SPOCK3: variants seen among roughly 807,000 people sequenced by gnomAD.
SPOCK3 encodes SPARC (osteonectin), cwcv and kazal like domains proteoglycan 3.
SPOCK3 carries 30 observed loss-of-function variants against 56.6 expected under a neutral mutation model. That is an observed-to-expected ratio of 0.53 (90% CI 0.40 to 0.72). SPOCK3 has a LOEUF of 0.72. Ranked by LOEUF, SPOCK3 falls within the 30% of genes least tolerant of loss-of-function variation. The pLI is 0.00. For synonymous variants in SPOCK3, 196 were observed against 183.3 expected (o/e 1.07, Z -0.56); for missense variants, 527 against 530.0 (o/e 0.99, Z 0.06).
intron 2 of SPOCK3, among the ~76,000 whole-genome samples, chr4:167,219,836 C>G (rs1256259494): frequency 6.6e-6 from 1 of 151,952 alleles, no homozygotes; most frequent in African/African-American, 2.4e-5. Context: ...ATTAATTTTG[C>G]TTTTTTGCTA....
At chr4:167,187,960 G>C (rs1732153768) in intron 2 of SPOCK3, among the ~76,000 whole-genome samples, 1 of 152,186 alleles carries the variant, frequency 6.6e-6, no homozygotes, top group Non-Finnish European at 1.5e-5. Context: ...ACCCTGAACT[G>C]AGTGGGAGAC....
chr4:166,915,852 C>A (rs1473404799), intron 4 of SPOCK3, among the ~76,000 whole-genome samples: 1 of 152,104 alleles, frequency 6.6e-6, no homozygotes, highest in Non-Finnish European at 1.5e-5. Flanking sequence ...AGGTCATTTG[C>A]AGTTAGTTAT....
intron 4 of SPOCK3, among the ~76,000 whole-genome samples, chr4:166,979,056 T>G (rs945094776): frequency 1.3e-5 from 2 of 152,206 alleles, no homozygotes; most frequent in Non-Finnish European, 2.9e-5. Flanking sequence ...ACTTCCTATG[T>G]TCTAAGAACT....
chr4:167,032,988 T>C (rs1752416580), intron 3 of SPOCK3, among the ~76,000 whole-genome samples: 1 of 152,016 alleles, frequency 6.6e-6, no homozygotes, highest in Non-Finnish European at 1.5e-5. Context: ...TTACGACTAA[T>C]GGCTTTGTTT....
chr4:167,172,724 G>A (rs1730615487), intron 2 of SPOCK3, among the ~76,000 whole-genome samples: 1 of 151,938 alleles, frequency 6.6e-6, no homozygotes, highest in African/African-American at 2.4e-5. Context: ...ACATATATGT[G>A]TGCATATGTA....
At chr4:166,807,308 TAAA>T (rs372411472) in intron 6 of SPOCK3, among the ~76,000 whole-genome samples, 1 of 129,812 alleles carries the variant, frequency 7.7e-6, no homozygotes. Context: ...GCATAAAGCC[TAAA>T]AAAAAAAAAA....
At chr4:167,029,150 A>G (rs1330833992) in intron 3 of SPOCK3, among the ~76,000 whole-genome samples, 1 of 152,048 alleles carries the variant, frequency 6.6e-6, no homozygotes, top group Non-Finnish European at 1.5e-5. Flanking sequence ...GCTCCCACTT[A>G]TAAGTGAGAA....
chr4:166,755,594 C>T (rs1314013006), intron 7 of SPOCK3, among the ~76,000 whole-genome samples: 4 of 152,076 alleles, frequency 2.6e-5, no homozygotes, highest in Non-Finnish European at 5.9e-5. Context: ...TTAATTTTCT[C>T]TTTTCTACTC....
chr4:166,752,989 A>AG (rs1381558929), intron 8 of SPOCK3, among the ~76,000 whole-genome samples: 1 of 54,918 alleles, frequency 1.8e-5, no homozygotes, highest in Admixed American at 1.7e-4. Flanking sequence ...ACACTTTGGG[A>AG]GAATGCTACA....
chr4:166,963,390 G>A lies in SPOCK3; in HGVS notation c.350+36959C>T, dbSNP rs76410970. On this transcript the variant is annotated intron_variant, in intron 4 of 10. Coordinates refer to ENST00000357545, the MANE Select transcript of SPOCK3 (RefSeq NM_001040159.2). ...TTAACCTCAAAAGAATGACACAGAT[G>A]CTTCTTTCGTACTCTTTATAAGAAG... 1.0e-2 allele frequency among the ~76,000 whole-genome samples: 1,518 copies of A among 152,108 alleles called. 13 individuals carry two copies. The highest frequency in any genetic ancestry group is 0.014 in the Non-Finnish European group (960 of 67,882).
At chr4:167,222,926 AATAT>A (rs1020852709) in intron 2 of SPOCK3, among the ~76,000 whole-genome samples, 5 of 128,252 alleles carry the variant, frequency 3.9e-5, no homozygotes, top group African/African-American at 6.1e-5. Context: ...TTTATATATG[AATAT>A]ATAAATATGT....
rs77948455 is a variant in SPOCK3 at position 166,781,061 on chromosome 4, C to T, written c.709+11109G>A. Among the ~76,000 whole-genome samples, 723 of 152,168 alleles carry T rather than the reference C, an allele frequency of 4.8e-3. 6 individuals carry two copies. The highest frequency in any genetic ancestry group is 0.017 in the African/African-American group (691 of 41,520). ...ACTGGCTCAACTGCCGTACTAAAAG[C>T]CATGCAAAAGAAGAGGCATCACTAA... On this transcript the variant is annotated intron_variant, in intron 7 of 10. Coordinates refer to ENST00000357545, the MANE Select transcript of SPOCK3 (RefSeq NM_001040159.2).
intron 6 of SPOCK3, among the ~76,000 whole-genome samples, chr4:166,810,029 A>G (rs1458423577): frequency 6.6e-6 from 1 of 152,008 alleles, no homozygotes; most frequent in East Asian, 1.9e-4. Context: ...CTTCATTCCT[A>G]CCCGCTTCTC....
At chr4:167,025,038 A>G (rs188115298) in intron 3 of SPOCK3, among the ~76,000 whole-genome samples, 2 of 151,968 alleles carry the variant, frequency 1.3e-5, no homozygotes, top group African/African-American at 4.8e-5. Flanking sequence ...TGGATCATTG[A>G]GGATAAGATG....
At chr4:167,053,632 C>T (rs1044945487) in intron 3 of SPOCK3, among the ~76,000 whole-genome samples, 2 of 151,974 alleles carry the variant, frequency 1.3e-5, no homozygotes, top group Admixed American at 1.3e-4. Context: ...TTGCAATGAG[C>T]CGAGATCAGG....
intron 6 of SPOCK3, among the ~76,000 whole-genome samples, chr4:166,805,405 TA>T (rs1743049826): frequency 6.6e-6 from 1 of 152,024 alleles, no homozygotes; most frequent in African/African-American, 2.4e-5. Flanking sequence ...TACTTGATGG[TA>T]ATTTAATGGT....
At chr4:166,910,435 T>A (rs924806662) in intron 5 of SPOCK3, among the ~76,000 whole-genome samples, 1 of 152,128 alleles carries the variant, frequency 6.6e-6, no homozygotes, top group African/African-American at 2.4e-5. Flanking sequence ...GGTATCACAG[T>A]GTGCCTCACG....
At chr4:166,763,051 A>T (rs967685916) in intron 7 of SPOCK3, among the ~76,000 whole-genome samples, 1 of 152,080 alleles carries the variant, frequency 6.6e-6, no homozygotes, top group African/African-American at 2.4e-5. Flanking sequence ...TACACAAAGT[A>T]CAATTAACAT....
At chr4:166,764,425 G>C (rs895254759) in intron 7 of SPOCK3, among the ~76,000 whole-genome samples, 2 of 152,008 alleles carry the variant, frequency 1.3e-5, no homozygotes, top group African/African-American at 4.8e-5. Flanking sequence ...CCACCTATGA[G>C]TGAGAACATG....
Sources: gnomAD v4.1 joint callset for allele counts (sites outside exome capture counted in the v4.1 genomes callset) on GRCh38, gnomAD v4.1.1 for gene constraint, MANE v1.5 for transcripts, NCBI Gene and HGNC (gene_info 2026-07-23, HGNC 2026-07-21) for gene names.